The following NBAS variants were observed in gnomAD, a reference collection of about 807,000 sequenced individuals.
NBAS encodes the protein NBAS subunit of NRZ tethering complex.
A neutral mutation model predicts 302.5 loss-of-function variants in NBAS; 219 were observed. That is an observed-to-expected ratio of 0.72 (90% CI 0.65 to 0.81). NBAS has a LOEUF of 0.81. NBAS is among the 30% of genes least tolerant of loss of function. The probability of loss-of-function intolerance (pLI) is 0.00; values close to 1 mark genes in which losing one functional copy is unlikely to be tolerated. For missense variants in NBAS, 2,932 were observed against 2,841.6 expected (o/e 1.03, Z -0.72); for synonymous variants, 1,118 against 1,021.6 (o/e 1.09, Z -1.80).
At chr2:15,436,962 A>C (rs535948186) in intron 21 of NBAS, among the ~76,000 whole-genome samples, 1 of 152,312 alleles carries the variant, frequency 6.6e-6, no homozygotes, top group African/African-American at 2.4e-5. Context: ...TGTATAAATA[A>C]ATGAAAAAAC....
intron 23 of NBAS, 125 bp downstream of exon 23, chr2:15,424,190 T>G: frequency 8.8e-7 from 1 of 1,136,348 alleles, no homozygotes; most frequent in Non-Finnish European, 1.3e-6. Context: ...AAATATTCAA[T>G]TCATCTCTTG....
the NBAS span, among the ~76,000 whole-genome samples, chr2:15,151,850 A>AT: frequency 3.3e-5 from 5 of 151,714 alleles, no homozygotes; most frequent in East Asian, 1.9e-4. Flanking sequence ...AGTCTTTTTT[A>AT]TTTTTTATTT....
the NBAS span, among the ~76,000 whole-genome samples, chr2:14,996,349 A>G: frequency 6.6e-6 from 1 of 152,182 alleles, no homozygotes; most frequent in Non-Finnish European, 1.5e-5. Context: ...TTACAATTGA[A>G]GAAATGGAAG....
At chr2:15,269,338 T>A (rs2148037203) in intron 44 of NBAS, among the ~76,000 whole-genome samples, 1 of 152,316 alleles carries the variant, frequency 6.6e-6, no homozygotes, top group South Asian at 2.1e-4. Context: ...GGGAGACTAT[T>A]TAAAAATTTT....
chr2:15,535,574 A>AT (rs1663463653), intron 8 of NBAS, among the ~76,000 whole-genome samples: 1 of 151,552 alleles, frequency 6.6e-6, no homozygotes, highest in African/African-American at 2.4e-5. Flanking sequence ...AAAAATAAAA[A>AT]AATAAAATAA....
the NBAS span, among the ~76,000 whole-genome samples, chr2:15,043,042 G>T: frequency 6.6e-6 from 1 of 152,254 alleles, no homozygotes; most frequent in African/African-American, 2.4e-5. Flanking sequence ...GTCACATTTG[G>T]TTCATGAGCC....
chr2:15,539,141 C>A (rs990805702), intron 7 of NBAS, 82 bp downstream of exon 7: 1 of 1,556,194 alleles, frequency 6.4e-7, no homozygotes, highest in Non-Finnish European at 8.8e-7. Context: ...GTATTATCCC[C>A]CCCTTCACAC....
the NBAS span, among the ~76,000 whole-genome samples, chr2:14,902,331 C>T: frequency 1.6e-3 from 237 of 152,258 alleles, 1 homozygote; most frequent in African/African-American, 5.3e-3. Flanking sequence ...GGGGTTTCAC[C>T]GTGTTGGCCA....
chr2:14,952,602 T>TTTGCCTG, the NBAS span, among the ~76,000 whole-genome samples: 1 of 152,176 alleles, frequency 6.6e-6, no homozygotes, highest in Non-Finnish European at 1.5e-5. Context: ...GGCCAGCCTG[T>TTTGCCTG]TTGGGGCGTT....
the NBAS span, among the ~76,000 whole-genome samples, chr2:15,042,739 C>T: frequency 6.6e-6 from 1 of 152,198 alleles, no homozygotes; most frequent in Non-Finnish European, 1.5e-5. Flanking sequence ...TGGCTGCCTG[C>T]CTAACAGGAC....
chr2:15,338,674 T>TACATACACACACACAC (rs372797466), intron 35 of NBAS, among the ~76,000 whole-genome samples: 1 of 134,746 alleles, frequency 7.4e-6, no homozygotes. Context: ...AACACACACA[T>TACATACACACACACAC]ACACACACAC....
chr2:15,320,394 C>A (rs1205564102), intron 38 of NBAS, among the ~76,000 whole-genome samples: 1 of 152,060 alleles, frequency 6.6e-6, no homozygotes, highest in Non-Finnish European at 1.5e-5. Flanking sequence ...GAAGTTCTGG[C>A]CAGGGCAATC....
At chr2:14,976,248 T>C in the NBAS span, among the ~76,000 whole-genome samples, 1 of 152,200 alleles carries the variant, frequency 6.6e-6, no homozygotes, top group Non-Finnish European at 1.5e-5. Context: ...AGTAGTCTGG[T>C]TGAGCCGAGG....
At chr2:14,983,313 G>C in the NBAS span, among the ~76,000 whole-genome samples, 1 of 152,162 alleles carries the variant, frequency 6.6e-6, no homozygotes. Context: ...TGAGAAAAAC[G>C]AAAGTTAACT....
chr2:15,384,253 C>T (rs1675181157), intron 28 of NBAS, among the ~76,000 whole-genome samples: 1 of 152,158 alleles, frequency 6.6e-6, no homozygotes, highest in African/African-American at 2.4e-5. Flanking sequence ...GTTTTGTTCC[C>T]AAATTCACCC....
intron 40 of NBAS, among the ~76,000 whole-genome samples, chr2:15,304,080 G>C (rs1670925480): frequency 6.6e-6 from 1 of 152,146 alleles, no homozygotes; most frequent in African/African-American, 2.4e-5. Context: ...ATATGGTTAG[G>C]TTTGTGTCCC....
the NBAS span, among the ~76,000 whole-genome samples, chr2:15,127,234 T>C: frequency 6.6e-6 from 1 of 152,210 alleles, no homozygotes; most frequent in Non-Finnish European, 1.5e-5. Flanking sequence ...CTAATCTCCC[T>C]AGGAAGCACA....
At position 15,276,357 on chromosome 2, in the gene NBAS, A is replaced by C. The variant is rs1669583216; in HGVS notation, c.5389+494T>G. Among the ~76,000 whole-genome samples, 3 of 152,340 alleles carry C rather than the reference A, an allele frequency of 2.0e-5. No homozygotes were observed. In the East Asian group the frequency reaches 5.8e-4, roughly 29 times the overall value. ...GCCTTGCAAATTATGAAGTATAAAA[A>C]TTAAGAGGTCTTAAAGTGTTTAATT... is the stretch of plus-strand genomic sequence containing the variant. On this transcript the variant is annotated intron_variant, in intron 43 of 51. Coordinates refer to ENST00000281513, the MANE Select transcript of NBAS (RefSeq NM_015909.4).
At chr2:15,475,995 A>G (rs1454255760) in intron 13 of NBAS, 115 bp from the exon 14 acceptor site, 1 of 774,502 alleles carries the variant, frequency 1.3e-6, no homozygotes, top group Non-Finnish European at 2.0e-6. Flanking sequence ...TTTGGGCCCT[A>G]ATGGTATGTT....
Sources: gnomAD v4.1 joint callset for allele counts (sites outside exome capture counted in the v4.1 genomes callset) on GRCh38, gnomAD v4.1.1 for gene constraint, MANE v1.5 for transcripts, NCBI Gene and HGNC (gene_info 2026-07-23, HGNC 2026-07-21) for gene names.